PGAP1: variants seen among roughly 807,000 people sequenced by gnomAD.
PGAP1 encodes post-GPI attachment to proteins inositol deacylase 1, also known as GPI inositol-deacylase.
Under a neutral mutation model 127.0 loss-of-function variants are expected in PGAP1, and 76 were observed. The ratio of observed to expected loss-of-function variants is 0.60; its 90% CI spans 0.50 to 0.72. The LOEUF (loss-of-function observed/expected upper bound fraction) is 0.72, where lower values mean the gene tolerates loss of function less well. PGAP1 is among the 30% of genes least tolerant of loss of function. The pLI is 0.00. For synonymous variants in PGAP1, 362 were observed against 366.5 expected (o/e 0.99, Z 0.14); for missense variants, 982 against 1,071.3 (o/e 0.92, Z 1.16).
intron 20 of PGAP1, among the ~76,000 whole-genome samples, chr2:196,857,110 C>T (rs1007425621): frequency 6.6e-6 from 1 of 152,186 alleles, no homozygotes; most frequent in Non-Finnish European, 1.5e-5. Flanking sequence ...CAAACTATCT[C>T]TGTTTGCAGA....
chr2:196,844,639 G>T, intron 23 of PGAP1, 65 bp from the exon 24 acceptor site: 2 of 1,153,368 alleles, frequency 1.7e-6, no homozygotes, highest in East Asian at 2.5e-5. Context: ...AAGCCTTTTG[G>T]TATTAAAAAT....
Position 196,889,553 on chromosome 2 carries a change from C to T in PGAP1, c.1173+1275G>A, listed in dbSNP as rs1013788546. On this transcript the variant is annotated intron_variant, in intron 10 of 26. Transcript: ENST00000354764. Reference sequence around the variant, plus strand: ...AAAATCAGAATAGAGGAAAAAGAATCCAAATTAAGAAACAATCCTGAGGCC... The same window carrying T: ...AAAATCAGAATAGAGGAAAAAGAATTCAAATTAAGAAACAATCCTGAGGCC... Among the ~76,000 whole-genome samples, 12 of 151,528 alleles carry T rather than the reference C, an allele frequency of 7.9e-5. No individual in the cohort carries two copies. In the East Asian group the frequency reaches 1.7e-3, roughly 22 times the overall value.
chr2:196,916,575 A>G lies in PGAP1; in HGVS notation c.320T>C (p.Ile107Thr). The change falls in exon 3 of 27, where the codon ATT (isoleucine) becomes ACT (threonine). Residue 107 changes from isoleucine to threonine, a missense_variant. By Grantham distance (89) the Ile-to-Thr change is moderately conservative. Transcript: ENST00000354764. Reference protein sequence around the residue: ...SYKQVRSIGSIALRKAEDIDF... With the variant: ...SYKQVRSIGSTALRKAEDIDF... Reference sequence around the variant, plus strand: ...AATGTCCTCTGCTTTTCTAAGTGCAATGGAGCCAATAGAACGAACTGCAGA... The same window carrying G: ...AATGTCCTCTGCTTTTCTAAGTGCAGTGGAGCCAATAGAACGAACTGCAGA... 6.2e-7 allele frequency: 1 copy of G among 1,611,106 alleles called. No homozygotes were observed. The highest frequency in any genetic ancestry group is 8.5e-7 in the Non-Finnish European group (1 of 1,178,870).
At chr2:196,876,447 T>C (rs1486375480) in intron 13 of PGAP1, among the ~76,000 whole-genome samples, 3 of 152,116 alleles carry the variant, frequency 2.0e-5, no homozygotes, top group Non-Finnish European at 2.9e-5. Context: ...AAAACTATAA[T>C]GTGACACTTG....
chr2:196,905,639 A>G (rs1400384572), intron 4 of PGAP1, among the ~76,000 whole-genome samples: 3 of 152,096 alleles, frequency 2.0e-5, no homozygotes, highest in Non-Finnish European at 2.9e-5. Flanking sequence ...TACAGCTCCC[A>G]GCGTGAGCGA....
chr2:196,890,762 G>C (rs1702069281), intron 10 of PGAP1, 66 bp downstream of exon 10: 1 of 883,794 alleles, frequency 1.1e-6, no homozygotes, highest in Non-Finnish European at 1.8e-6. Context: ...AGGTCTACCA[G>C]TAGAATTTGA....
intron 2 of PGAP1, 36 bp downstream of exon 2, chr2:196,919,961 T>C (rs757029852): frequency 1.3e-6 from 2 of 1,579,262 alleles, no homozygotes; most frequent in South Asian, 2.3e-5. Context: ...GAGTTGAATT[T>C]TATAGCTTTC....
chr2:196,848,082 A>C (rs1700610534), intron 20 of PGAP1, 45 bp from the exon 21 acceptor site: 2 of 1,366,566 alleles, frequency 1.5e-6, no homozygotes, highest in African/African-American at 1.5e-5. Flanking sequence ...GTAATTAAGT[A>C]TGAGATATAC....
chr2:196,858,989 A>G (rs1246152069), intron 20 of PGAP1, among the ~76,000 whole-genome samples: 2 of 152,128 alleles, frequency 1.3e-5, no homozygotes, highest in Non-Finnish European at 2.9e-5. Context: ...CAGCCTACCA[A>G]GGTTGAATCA....
intron 19 of PGAP1, among the ~76,000 whole-genome samples, chr2:196,866,105 A>G (rs951704744): frequency 6.6e-6 from 1 of 152,232 alleles, no homozygotes. Context: ...CTTTCTTCAC[A>G]GAATTAGAAA....
chr2:196,902,571 T>C lies in PGAP1; in HGVS notation c.807+14A>G, dbSNP rs769247584. ...TTACATTACTATTTCAATAGAATCT[T>C]AAAAAAAGATTACCACAACAGATAA... On this transcript the variant is annotated intron_variant, in intron 5 of 26. Coordinates refer to ENST00000354764, the MANE Select transcript of PGAP1 (RefSeq NM_024989.4). 1 of 1,588,772 alleles carries C rather than the reference T, an allele frequency of 6.3e-7. No homozygotes were observed. Among genetic ancestry groups the C allele is most frequent in the Admixed American group, 1.8e-5 (1 of 54,426 alleles).
chr2:196,921,916 G>A lies in PGAP1; in HGVS notation c.148-1766C>T, dbSNP rs144650310. Among the ~76,000 whole-genome samples the A allele has an allele frequency of 9.2e-5, 14 of 152,206 alleles. No individual in the cohort carries two copies. The East Asian group carries it at 2.5e-3, about 27-fold the overall frequency. On this transcript the variant is annotated intron_variant, in intron 1 of 26. Transcript: ENST00000354764. ...GTTGAAAGGGAATAGCAAAGACCCA[G>A]GAGAGGTAATTGACCACATTGACAG... is the stretch of plus-strand genomic sequence containing the variant.
Position 196,844,690 on chromosome 2 carries a change from A to G in PGAP1, c.2287-116T>C, listed in dbSNP as rs974047546. ...CTGAAATGTTTAAAATGTAAACCAAAAAGTCATTTAAACATTTAAAAACAT... is the reference window on the plus strand; with the variant it reads ...CTGAAATGTTTAAAATGTAAACCAAGAAGTCATTTAAACATTTAAAAACAT... On this transcript the variant is annotated intron_variant, in intron 23 of 26. Transcript: ENST00000354764. 2.8e-5 allele frequency: 18 copies of G among 654,122 alleles called. 2 individuals are homozygous for G. The South Asian group carries it at 4.2e-4, about 15-fold the overall frequency. 40.5% of individuals were successfully genotyped at this position (654,122 alleles called of 1,614,324 possible). A position where few individuals can be genotyped will look rare whatever the true frequency, so the allele number is the denominator to read the frequency against.
chr2:196,857,169 C>T (rs1288935751), intron 20 of PGAP1, among the ~76,000 whole-genome samples: 1 of 152,148 alleles, frequency 6.6e-6, no homozygotes, highest in East Asian at 1.9e-4. Context: ...CTCAAAAGCT[C>T]CTTCAGTTGA....
rs200294060 is a variant in PGAP1, at chr2:196,905,623, C to G, written c.650-2881G>C. 5.9e-5 allele frequency among the ~76,000 whole-genome samples: 9 copies of G among 152,168 alleles called. No individual in the cohort carries two copies. In the East Asian group the frequency reaches 1.5e-3, roughly 26 times the overall value. ...CCAAGATGGCCGAATAGGAACAGCT[C>G]CGGTCTACAGCTCCCAGCGTGAGCG... On this transcript the variant is annotated intron_variant, in intron 4 of 26. Coordinates refer to ENST00000354764, the MANE Select transcript of PGAP1 (RefSeq NM_024989.4).
chr2:196,898,234 TAAC>T, intron 6 of PGAP1, 80 bp downstream of exon 6: 1 of 1,004,758 alleles, frequency 1.0e-6, no homozygotes. Flanking sequence ...AAAAAAAAGT[TAAC>T]AAGCCAATTA....
At position 196,847,069 on chromosome 2, in the gene PGAP1, T is replaced by G; in HGVS notation, c.2084A>C (p.Tyr695Ser). The change falls in exon 22 of 27, where the codon TAC (tyrosine) becomes TCC (serine). Residue 695 changes from tyrosine to serine, a missense_variant. Physicochemically the swap from Tyr to Ser is moderately radical, Grantham distance 144 (BLOSUM62 -2). Transcript: ENST00000354764. ...TGCAGAAGACAGTAGGCCACTCCAG[T>G]AGGCAGTACACGTTCCAAACAGAAA... ...ILFLFGTCTA[Y>S]WSGLLSSASV... 3 of 1,613,758 alleles carry G rather than the reference T, an allele frequency of 1.9e-6. No homozygotes were observed. The highest frequency in any genetic ancestry group is 1.3e-5 in the African/African-American group (1 of 75,012).
intron 13 of PGAP1, among the ~76,000 whole-genome samples, chr2:196,877,853 C>A (rs1701613309): frequency 6.6e-6 from 1 of 152,110 alleles, no homozygotes; most frequent in Admixed American, 6.5e-5. Flanking sequence ...TAGAATAAAA[C>A]CTATCTGTTC....
chr2:196,872,634 C>T, intron 17 of PGAP1, 85 bp from the exon 18 acceptor site: 2 of 923,332 alleles, frequency 2.2e-6, no homozygotes, highest in Non-Finnish European at 3.4e-6. Flanking sequence ...CACAATACAA[C>T]TGAATAATGT....
Sources: allele counts gnomAD v4.1 joint callset (sites outside exome capture counted in the v4.1 genomes callset), GRCh38; gene constraint gnomAD v4.1.1; transcripts MANE v1.5; gene names NCBI Gene and HGNC (gene_info 2026-07-23, HGNC 2026-07-21).